Variants in CNTN4 observed in about 807,000 individuals in gnomAD.
The protein encoded by CNTN4 is contactin-4.
A neutral mutation model predicts 122.5 loss-of-function variants in CNTN4; 77 were observed. That is an observed-to-expected ratio of 0.63 (90% CI 0.52 to 0.76). The LOEUF is 0.76. Ranked by LOEUF, CNTN4 falls within the 30% of genes least tolerant of loss-of-function variation. The pLI is 0.00. For synonymous variants in CNTN4, 512 were observed against 447.0 expected (o/e 1.15, Z -1.83); for missense variants, 1,256 against 1,259.1 (o/e 1.00, Z 0.04).
At position 2,424,500 on chromosome 3, in the gene CNTN4, A is replaced by G. The variant is rs567260075; in HGVS notation, c.-89+85267A>G. The stretch of plus-strand genomic sequence containing the variant: ...TTTGGGTTGGTTCCAAGTCTTTGCT[A>G]TTGTGAACAGTGCCGCACTAAACAT... On this transcript the variant is annotated intron_variant, in intron 3 of 24. Transcript: ENST00000418658. Among the ~76,000 whole-genome samples the G allele has an allele frequency of 3.4e-3, 518 of 152,186 alleles. 3 individuals are homozygous for G. Among genetic ancestry groups the G allele is most frequent in the African/African-American group, 0.011 (464 of 41,512 alleles).
intron 3 of CNTN4, among the ~76,000 whole-genome samples, chr3:2,488,480 G>A (rs1239107624): frequency 1.3e-5 from 2 of 152,114 alleles, no homozygotes. Context: ...TGTGTGAGAT[G>A]TCCTCCTCTC....
chr3:2,451,743 C>G (rs2048838134), intron 3 of CNTN4, among the ~76,000 whole-genome samples: 1 of 151,908 alleles, frequency 6.6e-6, no homozygotes, highest in Non-Finnish European at 1.5e-5. Flanking sequence ...TTTCATGGTC[C>G]CTTCATTATT....
At chr3:2,816,327 C>T (rs1193292094) in intron 6 of CNTN4, among the ~76,000 whole-genome samples, 1 of 149,634 alleles carries the variant, frequency 6.7e-6, no homozygotes, top group Non-Finnish European at 1.5e-5. Flanking sequence ...GCACTCCAGC[C>T]TGGGCGACAG....
intron 6 of CNTN4, among the ~76,000 whole-genome samples, chr3:2,803,238 C>A (rs59996223): frequency 0.077 from 11,795 of 152,226 alleles, 535 homozygotes; most frequent in African/African-American, 0.11. Flanking sequence ...CATGAATTAT[C>A]ATTTCAGACA....
chr3:2,997,169 T>G (rs189526046), intron 14 of CNTN4, among the ~76,000 whole-genome samples: 104 of 152,320 alleles, frequency 6.8e-4, no homozygotes, highest in African/African-American at 2.3e-3. Flanking sequence ...TGGCTAATTG[T>G]GTAATAAATA....
intron 2 of CNTN4, among the ~76,000 whole-genome samples, chr3:2,163,965 C>A (rs189491849): frequency 6.6e-6 from 1 of 151,898 alleles, no homozygotes; most frequent in East Asian, 1.9e-4. Context: ...AAAGAGAGAG[C>A]TAAGCTGTGA....
In CNTN4 at chr3:2,664,782, G is replaced by A. The variant is rs552187836; in HGVS notation, c.56-71433G>A. 3.9e-5 allele frequency among the ~76,000 whole-genome samples: 6 copies of A among 152,256 alleles called. No individual in the cohort carries two copies. In the South Asian group the frequency reaches 6.2e-4, roughly 16 times the overall value. On this transcript the variant is annotated intron_variant, in intron 4 of 24. Transcript: ENST00000418658. ...AGGTCAGGTTCGTGTTATTCAAAGCGTGATGCTTAGTATGCGATGACACAA... is the reference window on the plus strand; with the variant it reads ...AGGTCAGGTTCGTGTTATTCAAAGCATGATGCTTAGTATGCGATGACACAA...
intron 4 of CNTN4, among the ~76,000 whole-genome samples, chr3:2,626,660 A>G (rs2082202904): frequency 6.6e-6 from 1 of 152,144 alleles, no homozygotes; most frequent in African/African-American, 2.4e-5. Context: ...ACATTTTTTC[A>G]TCTGTAGCTA....
chr3:2,340,387 T>C (rs1456748598), intron 3 of CNTN4, among the ~76,000 whole-genome samples: 2 of 151,960 alleles, frequency 1.3e-5, no homozygotes. Flanking sequence ...CCAAGCAAGA[T>C]AAAAATTATT....
At chr3:2,175,900 T>C (rs2036727331) in intron 2 of CNTN4, among the ~76,000 whole-genome samples, 2 of 152,090 alleles carry the variant, frequency 1.3e-5, no homozygotes, top group Admixed American at 1.3e-4. Context: ...GTAAATAAAA[T>C]AGTAGAGTTA....
chr3:2,734,065 T>A (rs1187269293), intron 4 of CNTN4, among the ~76,000 whole-genome samples: 1 of 152,054 alleles, frequency 6.6e-6, no homozygotes, highest in East Asian at 1.9e-4. Context: ...TTTTTGTTGT[T>A]TTGTTTTGTT....
At chr3:3,039,761 T>TTA in intron 19 of CNTN4, 1 of 424,510 alleles carries the variant, frequency 2.4e-6, no homozygotes, top group East Asian at 4.9e-5. Flanking sequence ...TTTTTTTTTT[T>TTA]ACAATCATTT....
At chr3:2,238,275 C>T (rs1460511437) in intron 2 of CNTN4, among the ~76,000 whole-genome samples, 1 of 152,020 alleles carries the variant, frequency 6.6e-6, no homozygotes. Flanking sequence ...TTTGACGGGA[C>T]TACTTTTCCT....
chr3:2,235,398 T>C (rs1474985990), intron 2 of CNTN4, among the ~76,000 whole-genome samples: 2 of 152,224 alleles, frequency 1.3e-5, no homozygotes, highest in East Asian at 3.8e-4. Flanking sequence ...TAGCCTGTTT[T>C]TCAACATGCT....
At chr3:2,623,624 A>C (rs2082073569) in intron 4 of CNTN4, among the ~76,000 whole-genome samples, 1 of 152,170 alleles carries the variant, frequency 6.6e-6, no homozygotes, top group South Asian at 2.1e-4. Flanking sequence ...GTTGTGTGGC[A>C]TGAATGATGA....
At chr3:2,271,435 G>A (rs1261006200) in intron 2 of CNTN4, among the ~76,000 whole-genome samples, 1 of 152,034 alleles carries the variant, frequency 6.6e-6, no homozygotes, top group Non-Finnish European at 1.5e-5. Flanking sequence ...GTAACCTGCT[G>A]TATTATCTTT....
At chr3:3,022,244 AAAAAT>A (rs1433278445) in intron 14 of CNTN4, among the ~76,000 whole-genome samples, 3 of 152,082 alleles carry the variant, frequency 2.0e-5, no homozygotes, top group Non-Finnish European at 4.4e-5. Context: ...ACCCCATCTC[AAAAAT>A]AAAATAAAAA....
In CNTN4 at chr3:2,571,561, A is replaced by C. The variant is rs1397870666; in HGVS notation, c.55+3A>C. ...ATCATTCATTTTGTGCCTTGCAGGTAGAGTGTCATTTTAAAACTTTTTGAT... is the reference window on the plus strand; with the variant it reads ...ATCATTCATTTTGTGCCTTGCAGGTCGAGTGTCATTTTAAAACTTTTTGAT... On this transcript the variant is annotated splice_donor_region_variant and intron_variant, in intron 4 of 24. Transcript: ENST00000418658. 1 of 1,610,382 alleles carries C rather than the reference A, an allele frequency of 6.2e-7. No homozygotes were observed. Among genetic ancestry groups the C allele is most frequent in the African/African-American group, 1.3e-5 (1 of 74,824 alleles).
At chr3:2,627,751 C>G (rs921766937) in intron 4 of CNTN4, among the ~76,000 whole-genome samples, 8 of 152,080 alleles carry the variant, frequency 5.3e-5, no homozygotes, top group Admixed American at 5.2e-4. Flanking sequence ...CCTCGGCCTC[C>G]CAAAGTGCTG....
Sources: allele counts gnomAD v4.1 joint callset (sites outside exome capture counted in the v4.1 genomes callset), GRCh38; gene constraint gnomAD v4.1.1; transcripts MANE v1.5; gene names NCBI Gene and HGNC (gene_info 2026-07-23, HGNC 2026-07-21).